Variants in CRYL1 observed in about 807,000 individuals in gnomAD.
The protein encoded by CRYL1 is crystallin lambda 1.
A neutral mutation model predicts 36.6 loss-of-function variants in CRYL1; 29 were observed. The observed-to-expected ratio is 0.79, with a 90% confidence interval of 0.59 to 1.08. The LOEUF (loss-of-function observed/expected upper bound fraction) is 1.08. Ranked by LOEUF, CRYL1 falls within the 50% of genes least tolerant of loss-of-function variation. The pLI is 0.00. For synonymous variants in CRYL1, 152 were observed against 151.5 expected (o/e 1.00, Z -0.02); for missense variants, 411 against 407.9 (o/e 1.01, Z -0.06).
intron 5 of CRYL1, among the ~76,000 whole-genome samples, chr13:20,421,145 G>T (rs928458024): frequency 6.6e-6 from 1 of 152,106 alleles, no homozygotes; most frequent in Non-Finnish European, 1.5e-5. Context: ...AGGCCCCAGT[G>T]CTAATTCCCT....
intron 3 of CRYL1, among the ~76,000 whole-genome samples, chr13:20,448,627 T>C (rs2032503501): frequency 6.6e-6 from 1 of 152,094 alleles, no homozygotes; most frequent in Admixed American, 6.5e-5. Context: ...TTTGTTAGAG[T>C]TAATGCAAGA....
chr13:20,493,397 C>T (rs1216245554), intron 2 of CRYL1, among the ~76,000 whole-genome samples: 1 of 152,188 alleles, frequency 6.6e-6, no homozygotes, highest in African/African-American at 2.4e-5. Flanking sequence ...CGGTGGCTCA[C>T]ACCTGTAATC....
At chr13:20,445,727 T>C (rs1370385746) in intron 3 of CRYL1, among the ~76,000 whole-genome samples, 1 of 152,176 alleles carries the variant, frequency 6.6e-6, no homozygotes, top group Non-Finnish European at 1.5e-5. Context: ...AATTAAGATG[T>C]TTAAGAAACT....
At chr13:20,508,637 G>T (rs1041531251) in intron 2 of CRYL1, among the ~76,000 whole-genome samples, 3 of 151,540 alleles carry the variant, frequency 2.0e-5, no homozygotes, top group African/African-American at 7.3e-5. Flanking sequence ...ACGAGGTCAG[G>T]AGATCGAGAC....
chr13:20,424,896 C>A (rs572313988), intron 5 of CRYL1, among the ~76,000 whole-genome samples: 393 of 152,156 alleles, frequency 2.6e-3, no homozygotes, highest in Non-Finnish European at 3.0e-3. Flanking sequence ...ATCCTAAACT[C>A]TTAGGGTTCA....
chr13:20,489,230 T>C, intron 3 of CRYL1, 140 bp downstream of exon 3: 1 of 948,660 alleles, frequency 1.1e-6, no homozygotes, highest in Non-Finnish European at 1.5e-6. Flanking sequence ...ACATTTCCTA[T>C]CACATAAAAC....
At chr13:20,464,110 A>G (rs1404330833) in intron 3 of CRYL1, among the ~76,000 whole-genome samples, 1 of 152,268 alleles carries the variant, frequency 6.6e-6, no homozygotes, top group Non-Finnish European at 1.5e-5. Context: ...CATATGACTG[A>G]GTAAAAACAA....
chr13:20,431,250 G>A (rs1366794547), intron 5 of CRYL1: 6 of 985,296 alleles, frequency 6.1e-6, no homozygotes, highest in Middle Eastern at 5.2e-4. Context: ...GTGTCCATGC[G>A]AGTCCAAACA....
intron 1 of CRYL1, among the ~76,000 whole-genome samples, chr13:20,520,434 G>C (rs927034801): frequency 6.6e-6 from 1 of 152,144 alleles, no homozygotes; most frequent in Admixed American, 6.5e-5. Context: ...GTCTTACCCC[G>C]CTGCTGTTGC....
At chr13:20,476,778 C>A (rs1198983197) in intron 3 of CRYL1, 1 of 152,366 alleles carries the variant, frequency 6.6e-6, no homozygotes, top group Non-Finnish European at 1.5e-5. Flanking sequence ...AATTCCAGCA[C>A]TTTGGGAGGC....
chr13:20,431,635 C>A, intron 5 of CRYL1: 1 of 1,055,380 alleles, frequency 9.5e-7, no homozygotes, highest in Non-Finnish European at 1.1e-6. Context: ...ATAGGTAAGA[C>A]AAGCATTTAC....
chr13:20,497,787 CACA>C (rs1249860638), intron 2 of CRYL1, among the ~76,000 whole-genome samples: 11 of 150,650 alleles, frequency 7.3e-5, no homozygotes, highest in East Asian at 2.0e-4. Context: ...CCACCATACA[CACA>C]ACTACACACA....
At chr13:20,489,037 A>G (rs2033454781) in intron 3 of CRYL1, among the ~76,000 whole-genome samples, 1 of 152,252 alleles carries the variant, frequency 6.6e-6, no homozygotes, top group Admixed American at 6.5e-5. Flanking sequence ...AAGATGATAA[A>G]ACAAAATAAA....
intron 6 of CRYL1, chr13:20,406,052 G>C (rs1376022715): frequency 2.6e-5 from 4 of 152,364 alleles, no homozygotes; most frequent in Non-Finnish European, 4.4e-5. Context: ...GAGGACATAG[G>C]CTGGGCTACT....
chr13:20,438,367 C>T (rs73443934), intron 4 of CRYL1, among the ~76,000 whole-genome samples: 1,686 of 152,302 alleles, frequency 0.011, 27 homozygotes, highest in African/African-American at 0.038. Context: ...CATTGCTCCC[C>T]TCTCTGACCC....
intron 1 of CRYL1, among the ~76,000 whole-genome samples, chr13:20,518,033 A>T (rs538523368): frequency 6.6e-6 from 1 of 151,888 alleles, no homozygotes; most frequent in East Asian, 1.9e-4. Context: ...ACTCACCTTC[A>T]TATTCCTGGC....
intron 3 of CRYL1, chr13:20,439,992 C>A (rs2032319456): frequency 2.3e-6 from 1 of 432,810 alleles, no homozygotes; most frequent in Non-Finnish European, 4.2e-6. Flanking sequence ...CTGCCCTTCC[C>A]ATGAAGCAGG....
chr13:20,510,673 T>C (rs1593498870), intron 2 of CRYL1, among the ~76,000 whole-genome samples: 1 of 151,336 alleles, frequency 6.6e-6, no homozygotes, highest in South Asian at 2.1e-4. Context: ...AGTGCAATGG[T>C]GTGATCTCAG....
rs921308254 is a variant in CRYL1 at position 20,403,758 on chromosome 13, A to G, written c.*371T>C. 5 of 163,490 alleles carry G rather than the reference A, an allele frequency of 3.1e-5. No individual in the cohort carries two copies. The highest frequency in any genetic ancestry group is 7.2e-5 in the African/African-American group (3 of 41,746). 10.1% of individuals were successfully genotyped at this position (163,490 alleles called of 1,614,324 possible). A position where few individuals can be genotyped will look rare whatever the true frequency, so the allele number is the denominator to read the frequency against. On this transcript the variant is annotated 3_prime_UTR_variant, in exon 8 of 8. Transcript: ENST00000298248. ...AAATGCAGGGCCCCAGAGTACTCAG[A>G]AAGGGATTAGAAAATAATTACAAAA... is the stretch of plus-strand genomic sequence containing the variant.
Sources: gnomAD v4.1 joint callset for allele counts (sites outside exome capture counted in the v4.1 genomes callset) on GRCh38, gnomAD v4.1.1 for gene constraint, MANE v1.5 for transcripts, NCBI Gene and HGNC (gene_info 2026-07-23, HGNC 2026-07-21) for gene names.